Variants in KLF12 observed in about 807,000 individuals in gnomAD.
KLF12 encodes the protein Krueppel-like factor 12.
Under a neutral mutation model 37.8 loss-of-function variants are expected in KLF12, and 9 were observed. The ratio of observed to expected loss-of-function variants is 0.24; its 90% CI spans 0.14 to 0.42. KLF12 has a LOEUF of 0.42. Among genes scored for constraint, KLF12 ranks in the 10% least tolerant of loss-of-function variants. The pLI, the probability that KLF12 is intolerant of heterozygous loss-of-function variation, is 1.00. For missense variants in KLF12, 411 were observed against 516.0 expected (o/e 0.80, Z 1.97); for synonymous variants, 208 against 202.1 (o/e 1.03, Z -0.25).
intron 1 of KLF12, among the ~76,000 whole-genome samples, chr13:74,002,674 T>C (rs1166322816): frequency 6.6e-6 from 1 of 152,218 alleles, no homozygotes; most frequent in Non-Finnish European, 1.5e-5. Context: ...GGTCTGACTC[T>C]TACTATAAGA....
chr13:74,137,044 G>A (rs887885137), upstream of KLF12, among the ~76,000 whole-genome samples: 2 of 152,178 alleles, frequency 1.3e-5, no homozygotes, highest in African/African-American at 4.8e-5. Context: ...ACACGCATGC[G>A]TTTCCAAACT....
At chr13:74,171,502 C>T in the KLF12 span, among the ~76,000 whole-genome samples, 1 of 152,210 alleles carries the variant, frequency 6.6e-6, no homozygotes, top group African/African-American at 2.4e-5. Flanking sequence ...TCCTCCCAAA[C>T]AGTCTATACA....
intron 1 of KLF12, among the ~76,000 whole-genome samples, chr13:74,109,735 A>T (rs1876867534): frequency 6.6e-6 from 1 of 152,330 alleles, no homozygotes; most frequent in East Asian, 1.9e-4. Context: ...GAAATTTCCT[A>T]CAAGAACACA....
intron 3 of KLF12, among the ~76,000 whole-genome samples, chr13:73,862,055 G>GGT (rs1462329684): frequency 7.0e-6 from 1 of 142,992 alleles, no homozygotes; most frequent in African/African-American, 2.6e-5. Context: ...ATATAGTTGG[G>GGT]TTTTTTTTTT....
At chr13:73,901,809 T>TTA (rs1055301304) in intron 3 of KLF12, among the ~76,000 whole-genome samples, 10 of 152,188 alleles carry the variant, frequency 6.6e-5, no homozygotes, top group African/African-American at 2.2e-4. Context: ...ATAAATCTCA[T>TTA]TATATCAACC....
chr13:74,099,613 A>C (rs1468589397), intron 1 of KLF12, among the ~76,000 whole-genome samples: 2 of 152,202 alleles, frequency 1.3e-5, no homozygotes, highest in African/African-American at 2.4e-5. Context: ...AGTAAATCCT[A>C]AGAGCAAAGA....
the KLF12 span, among the ~76,000 whole-genome samples, chr13:74,183,925 G>C: frequency 2.6e-5 from 4 of 152,188 alleles, no homozygotes; most frequent in Non-Finnish European, 5.9e-5. Flanking sequence ...GTGATAGAGA[G>C]AGACCCTGTC....
At chr13:74,063,800 T>C (rs1282882053) in intron 1 of KLF12, among the ~76,000 whole-genome samples, 1 of 152,094 alleles carries the variant, frequency 6.6e-6, no homozygotes, top group Non-Finnish European at 1.5e-5. Context: ...TCCCTTATAG[T>C]TTTTCACTTC....
intron 1 of KLF12, among the ~76,000 whole-genome samples, chr13:74,069,782 T>C (rs9565073): frequency 0.46 from 70,193 of 152,018 alleles, 18,397 homozygotes; most frequent in East Asian, 0.83. Context: ...TGGTGACTCA[T>C]GAGACGTGAA....
chr13:74,245,112 G>A, the KLF12 span, among the ~76,000 whole-genome samples: 1 of 152,142 alleles, frequency 6.6e-6, no homozygotes, highest in Non-Finnish European at 1.5e-5. Context: ...AAGCTATCAA[G>A]GAAAATTTCC....
At chr13:74,225,839 A>C in the KLF12 span, among the ~76,000 whole-genome samples, 1 of 152,198 alleles carries the variant, frequency 6.6e-6, no homozygotes, top group African/African-American at 2.4e-5. Flanking sequence ...AAAGATGTCC[A>C]GTCTAAGAAG....
At chr13:73,918,937 A>G (rs1377162818) in intron 3 of KLF12, among the ~76,000 whole-genome samples, 1 of 152,192 alleles carries the variant, frequency 6.6e-6, no homozygotes, top group Non-Finnish European at 1.5e-5. Context: ...ATTACCTCTG[A>G]ATTGAGTTAG....
intron 1 of KLF12, among the ~76,000 whole-genome samples, chr13:74,069,047 C>A (rs1325884983): frequency 6.6e-6 from 1 of 152,102 alleles, no homozygotes. Context: ...AAGGTTTTAG[C>A]CCTCCAAGTG....
chr13:74,171,488 C>T, the KLF12 span, among the ~76,000 whole-genome samples: 9 of 152,150 alleles, frequency 5.9e-5, no homozygotes, highest in African/African-American at 1.7e-4. Context: ...GAGGGAAAAC[C>T]GCTTCCTCCC....
At chr13:73,992,274 G>C (rs1232651790) in intron 2 of KLF12, among the ~76,000 whole-genome samples, 2 of 152,196 alleles carry the variant, frequency 1.3e-5, no homozygotes, top group Admixed American at 6.5e-5. Context: ...GCTGAAGTGT[G>C]TATCCACCAG....
chr13:74,097,836 C>T (rs1876071224), intron 1 of KLF12, among the ~76,000 whole-genome samples: 1 of 151,158 alleles, frequency 6.6e-6, no homozygotes, highest in Non-Finnish European at 1.5e-5. Flanking sequence ...ACCCCAACTC[C>T]ACAAACTGCT....
rs1342627503 is a variant in KLF12 at position 73,892,766 on chromosome 13, A to G, written c.124-46393T>C. 3.9e-5 allele frequency among the ~76,000 whole-genome samples: 6 copies of G among 152,204 alleles called. No homozygotes were observed. The East Asian group carries it at 1.2e-3, about 29-fold the overall frequency. On this transcript the variant is annotated intron_variant, in intron 3 of 7. Coordinates refer to ENST00000377669, the MANE Select transcript of KLF12 (RefSeq NM_007249.5). ...TGAAAGACAGTTTTTGCACAGCAACATGCAATTTGTGTATTCGTAGTATAT... is the reference window on the plus strand; with the variant it reads ...TGAAAGACAGTTTTTGCACAGCAACGTGCAATTTGTGTATTCGTAGTATAT...
chr13:74,235,805 A>G, the KLF12 span, among the ~76,000 whole-genome samples: 1 of 152,152 alleles, frequency 6.6e-6, no homozygotes, highest in African/African-American at 2.4e-5. Context: ...GTTTTAAATT[A>G]AAATTCATAA....
At chr13:73,794,803 T>C (rs1029854972) in intron 5 of KLF12, among the ~76,000 whole-genome samples, 6 of 152,182 alleles carry the variant, frequency 3.9e-5, no homozygotes, top group African/African-American at 1.4e-4. Context: ...GAAGGGATGT[T>C]TAAATTAACC....
Sources: allele counts gnomAD v4.1 joint callset (sites outside exome capture counted in the v4.1 genomes callset), GRCh38; gene constraint gnomAD v4.1.1; transcripts MANE v1.5; gene names NCBI Gene and HGNC (gene_info 2026-07-23, HGNC 2026-07-21).